MED14: variants seen among roughly 807,000 people sequenced by gnomAD.
MED14 encodes the protein mediator of RNA polymerase II transcription subunit 14.
MED14 carries 8 observed loss-of-function variants against 109.0 expected under a neutral mutation model. The observed-to-expected ratio is 0.07, with a 90% CI of 0.04 to 0.13. The LOEUF (loss-of-function observed/expected upper bound fraction) is 0.13. Ranked by LOEUF, MED14 falls within the 10% of genes least tolerant of loss-of-function variation. The pLI, the probability that MED14 is intolerant of heterozygous loss-of-function variation, is 1.00. For missense variants in MED14, 711 were observed against 1,142.4 expected, an observed-to-expected ratio of 0.62 and a Z score of 5.44; for synonymous variants, 399 against 408.7, an observed-to-expected ratio of 0.98 and a Z score of 0.29.
chrX:40,661,599 A>G (rs1476716790), intron 26 of MED14, among the ~76,000 whole-genome samples: 5 of 112,527 alleles, frequency 4.4e-5, no homozygotes, highest in African/African-American at 6.5e-5. Flanking sequence ...CCTAGACAGT[A>G]TATTAAGGGC....
At position 40,729,353 on chromosome X, in the gene MED14, G is replaced by GAAA. The variant is rs369436436; in HGVS notation, c.216-11_216-9dup. ...TCAGATTTCCTTGGCAGTCTAAGAAGAAAAAAAAAAAACGGATTAGATACA... is the reference window on the plus strand; with the variant it reads ...TCAGATTTCCTTGGCAGTCTAAGAAGAAAAAAAAAAAAAAACGGATTAGATACA... On this transcript the variant is annotated splice_polypyrimidine_tract_variant and intron_variant, in intron 1 of 30. Transcript: ENST00000324817. 4 of 915,980 alleles carry GAAA rather than the reference G, an allele frequency of 4.4e-6. No individual in the cohort carries two copies. Among genetic ancestry groups the GAAA allele is most frequent in the Non-Finnish European group, 5.8e-6 (4 of 692,061 alleles). The allele number at this position is 915,980 out of a possible 1,213,427, so 75.5% of individuals were successfully genotyped here.
chrX:40,681,740 T>C (rs1930117518), intron 19 of MED14, 112 bp downstream of exon 19: 4 of 425,463 alleles, frequency 9.4e-6, no homozygotes, highest in Non-Finnish European at 1.6e-5. Context: ...TACCATTTTA[T>C]CCCTAACTTT....
chrX:40,735,120 G>T, intron 1 of MED14, 78 bp downstream of exon 1: 2 of 741,253 alleles, frequency 2.7e-6, no homozygotes, highest in South Asian at 3.6e-5. Context: ...GCCTCTCGGG[G>T]AGAGGGAGGT....
chrX:40,669,700 G>A (rs1929647736), intron 23 of MED14, among the ~76,000 whole-genome samples: 1 of 111,326 alleles, frequency 9.0e-6, no homozygotes, highest in Non-Finnish European at 1.9e-5. Flanking sequence ...TGTTAACAGC[G>A]CCCTGTCTCT....
intron 3 of MED14, among the ~76,000 whole-genome samples, chrX:40,718,348 A>T (rs1931609988): frequency 8.9e-6 from 1 of 112,007 alleles, no homozygotes; most frequent in Admixed American, 9.5e-5. Context: ...ACCAAGGTCA[A>T]GCTCAAAGAG....
rs757621466 is a variant in MED14, at chrX:40,692,827, C to T, written c.1726G>A (p.Ala576Thr). The T allele has an allele frequency of 3.0e-5, 36 of 1,207,055 alleles. No individual in the cohort carries two copies. The highest frequency in any genetic ancestry group is 1.3e-4 in the Admixed American group (6 of 45,052). Residue 576 changes from alanine (A) to threonine (T), a missense_variant, in exon 14 of 31, where the codon GCA (alanine) becomes ACA (threonine). By Grantham distance (58) the Ala-to-Thr change is moderately conservative. Around this residue, in one of 8 missense-constraint regions of MED14, gnomAD observed 388 missense variants for 517.3 expected, o/e 0.75. Coordinates refer to ENST00000324817, the MANE Select transcript of MED14 (RefSeq NM_004229.4). ...YKYYFMSVNA[A>T]DREDSPAMAL... ...ATTGCAGGGCTGTCTTCACGATCTG[C>T]AGCATTCACAGACATAAAGTAGTAC...
chrX:40,710,503 G>T (rs1931300891), intron 8 of MED14, among the ~76,000 whole-genome samples: 1 of 111,021 alleles, frequency 9.0e-6, no homozygotes, highest in Non-Finnish European at 1.9e-5. Context: ...GTTCAAACAG[G>T]GAATTGAGAG....
rs748134054 is a variant in MED14, at chrX:40,735,221, C to T, written c.192G>A (p.Ser64=). 5.7e-5 allele frequency: 65 copies of T among 1,138,016 alleles called. No homozygotes were observed. Among genetic ancestry groups the T allele is most frequent in the Non-Finnish European group, 7.5e-5 (64 of 857,776 alleles). The allele number at this position is 1,138,016 out of a possible 1,213,427, so 93.8% of individuals were successfully genotyped here. Residue 64 remains serine, a synonymous_variant, in exon 1 of 31, where the codon TCG becomes TCA. Coordinates refer to ENST00000324817, the MANE Select transcript of MED14 (RefSeq NM_004229.4). ...ACAGGTCCGTCAACACCATAAGCTC[C>T]GAGTAGGCCCGGTGCAGCAGAAATT... ...LIEFLLHRAY[S]ELMVLTDLLP...
chrX:40,666,534 A>G (rs753121261), intron 24 of MED14, among the ~76,000 whole-genome samples, 186 bp downstream of exon 24: 31 of 111,595 alleles, frequency 2.8e-4, no homozygotes, highest in Non-Finnish European at 7.5e-5. Flanking sequence ...CAAGGCAGAG[A>G]CAAACTCACT....
intron 3 of MED14, chrX:40,715,019 C>T (rs1424705954): frequency 5.6e-6 from 1 of 179,255 alleles, no homozygotes; most frequent in Non-Finnish European, 1.0e-5. Flanking sequence ...TGGTTTTTTC[C>T]TCTTACAGAC....
chrX:40,682,500 A>AT (rs763401872), intron 18 of MED14, 103 bp downstream of exon 18: 2 of 670,946 alleles, frequency 3.0e-6, no homozygotes, highest in Admixed American at 4.3e-5. Context: ...ATATACTTTG[A>AT]TTTTTTTGCT....
chrX:40,693,615 G>A (rs758304935), intron 13 of MED14, among the ~76,000 whole-genome samples: 1 of 111,315 alleles, frequency 9.0e-6, no homozygotes, highest in African/African-American at 3.3e-5. Flanking sequence ...AATACAGTCT[G>A]CTAGATTTTC....
At position 40,703,452 on chromosome X, in the gene MED14, T is replaced by C. The variant is rs1931026132; in HGVS notation, c.1403A>G (p.Tyr468Cys). The C allele has an allele frequency of 8.4e-7, 1 of 1,193,107 alleles. No individual in the cohort carries two copies. Among genetic ancestry groups the C allele is most frequent in the Non-Finnish European group, 1.1e-6 (1 of 881,906 alleles). The change falls in exon 11 of 31, where the codon TAT becomes TGT. Residue 468 changes from tyrosine to cysteine, a missense_variant. By Grantham distance (194) the Tyr-to-Cys change is radical. This residue lies in a region of MED14 where 388 missense variants were observed against 517.3 expected (regional missense o/e 0.75). Transcript: ENST00000324817. ...LHSGMFQLML[Y>C]GLDQATLDDM... is the part of the protein sequence containing the mutation. ...ATCATTTAGTAACTTACCAAGTCCA[T>C]AAAGCATCAATTGAAACATTCCAGA...
chrX:40,700,057 G>A (rs192793028), intron 12 of MED14, among the ~76,000 whole-genome samples: 109 of 110,996 alleles, frequency 9.8e-4, no homozygotes, highest in African/African-American at 3.5e-3. Context: ...ACTGAGGCAG[G>A]AGAATCCCTT....
intron 12 of MED14, among the ~76,000 whole-genome samples, chrX:40,700,914 T>C (rs1239032282): frequency 2.7e-5 from 3 of 111,714 alleles, no homozygotes; most frequent in East Asian, 5.6e-4. Flanking sequence ...TAGAAGAAAA[T>C]GTGGTAAGGG....
At chrX:40,687,252 CCT>C (rs909885139) in intron 16 of MED14, among the ~76,000 whole-genome samples, 1 of 111,472 alleles carries the variant, frequency 9.0e-6, no homozygotes, top group African/African-American at 3.3e-5. Context: ...GCCACTTTCC[CCT>C]CTTTCTCACC....
At chrX:40,709,874 T>G in intron 9 of MED14, 105 bp downstream of exon 9, 2 of 506,382 alleles carry the variant, frequency 3.9e-6, no homozygotes, top group Non-Finnish European at 6.2e-6. Context: ...CATAAAAGGT[T>G]TTAGGAAGAA....
chrX:40,674,614 T>C (rs1003504394), intron 22 of MED14, among the ~76,000 whole-genome samples: 1 of 111,764 alleles, frequency 8.9e-6, no homozygotes, highest in African/African-American at 3.3e-5. Context: ...TACAGCCCCA[T>C]TGAGGATTTT....
chrX:40,664,346 G>A lies in MED14; in HGVS notation c.3409C>T (p.Pro1137Ser), dbSNP rs1473527862. Residue 1137 changes from proline to serine, a missense_variant, in exon 25 of 31, where the codon CCG (proline) becomes TCG (serine). Physicochemically the swap from Pro to Ser is moderately conservative, Grantham distance 74. This residue lies in a region of MED14 where 100 missense variants were observed against 147.5 expected (regional missense o/e 0.68). Coordinates refer to ENST00000324817, the MANE Select transcript of MED14 (RefSeq NM_004229.4). Reference sequence around the variant, plus strand: ...GGGGAATGAGAAGCATCTGGAACCGGAGAATGTAGTGAGGGGTTGGCTGGT... The same window carrying A: ...GGGGAATGAGAAGCATCTGGAACCGAAGAATGTAGTGAGGGGTTGGCTGGT... ...MSPANPSLHSPVPDASHSPRA... is the reference protein window; with the variant it reads ...MSPANPSLHSSVPDASHSPRA... The A allele has an allele frequency of 8.3e-7, 1 of 1,203,610 alleles. No individual in the cohort carries two copies. Among genetic ancestry groups the A allele is most frequent in the East Asian group, 3.0e-5 (1 of 33,419 alleles).
Sources: allele counts gnomAD v4.1 joint callset (sites outside exome capture counted in the v4.1 genomes callset), GRCh38; gene constraint gnomAD v4.1.1; regional missense constraint gnomAD v4.1.1; transcripts MANE v1.5; gene names NCBI Gene and HGNC (gene_info 2026-07-23, HGNC 2026-07-21).